Variants in ZFPM1 observed in about 807,000 individuals in gnomAD.
The protein encoded by ZFPM1 is zinc finger protein ZFPM1.
Under a neutral mutation model 46.3 loss-of-function variants are expected in ZFPM1, and 28 were observed. That is an observed-to-expected ratio of 0.60 (90% confidence interval 0.45 to 0.83). ZFPM1 has a LOEUF of 0.83. ZFPM1 is among the 40% of genes least tolerant of loss of function. ZFPM1 has a pLI of 0.00. For missense variants in ZFPM1, 1,878 were observed against 1,432.4 expected (o/e 1.31, Z -5.02); for synonymous variants, 957 against 675.9 (o/e 1.42, Z -6.45).
At chr16:88,456,465 G>A (rs1907566360) in intron 1 of ZFPM1, among the ~76,000 whole-genome samples, 1 of 152,182 alleles carries the variant, frequency 6.6e-6, no homozygotes, top group South Asian at 2.1e-4. Context: ...CCCTGGTGTG[G>A]AGGCGCTGCA....
At position 88,470,512 on chromosome 16, in the gene ZFPM1, C is replaced by T. The variant is rs1253711373; in HGVS notation, c.41-15427C>T. On this transcript the variant is annotated intron_variant, in intron 1 of 9. Transcript: ENST00000319555. ...AGGGCCGGGTGGTGACACTCAGTGA[C>T]AGGTGAGGATGTGGCACGGTGTGGA... 3.3e-5 allele frequency among the ~76,000 whole-genome samples: 5 copies of T among 151,638 alleles called. No individual in the cohort carries two copies. In the East Asian group the frequency reaches 7.8e-4, roughly 24 times the overall value.
chr16:88,475,901 G>A (rs1908661658), intron 1 of ZFPM1, among the ~76,000 whole-genome samples: 4 of 152,144 alleles, frequency 2.6e-5, no homozygotes, highest in Admixed American at 2.0e-4. Context: ...TTCGGCCAGA[G>A]GCTGGGCGTG....
chr16:88,518,040 C>G (rs150060696), intron 4 of ZFPM1, among the ~76,000 whole-genome samples: 2,853 of 152,030 alleles, frequency 0.019, 95 homozygotes, highest in African/African-American at 0.066. Flanking sequence ...GAAACCCCGT[C>G]TCTATTAAAA....
At chr16:88,473,237 C>T (rs960831628) in intron 1 of ZFPM1, among the ~76,000 whole-genome samples, 9 of 152,262 alleles carry the variant, frequency 5.9e-5, no homozygotes, top group African/African-American at 2.2e-4. Flanking sequence ...CTCCTGGCCC[C>T]CGGGAATCTC....
chr16:88,527,864 AG>A (rs1393651176), intron 5 of ZFPM1, among the ~76,000 whole-genome samples, 167 bp from the exon 6 acceptor site: 2 of 150,842 alleles, frequency 1.3e-5, no homozygotes, highest in Admixed American at 6.6e-5. Flanking sequence ...GAGCACTCAC[AG>A]GGGACCACCC....
intron 1 of ZFPM1, among the ~76,000 whole-genome samples, chr16:88,462,027 C>G (rs979409353): frequency 6.6e-6 from 1 of 152,254 alleles, no homozygotes. Context: ...GCCTCCCCAT[C>G]TCCTCCTCCC....
intron 3 of ZFPM1, chr16:88,489,370 T>C (rs961777220): frequency 5.9e-6 from 4 of 676,166 alleles, no homozygotes; most frequent in East Asian, 3.1e-5. Flanking sequence ...TCACGTGGTG[T>C]ACAAGGAAGC....
intron 2 of ZFPM1, 106 bp downstream of exon 2, chr16:88,486,149 A>G: frequency 8.5e-7 from 1 of 1,182,170 alleles, no homozygotes; most frequent in Admixed American, 2.1e-5. Flanking sequence ...TGGGCCAACT[A>G]TATGCAGGAG....
At chr16:88,458,400 C>T (rs193016869) in intron 1 of ZFPM1, among the ~76,000 whole-genome samples, 1 of 152,344 alleles carries the variant, frequency 6.6e-6, no homozygotes, top group East Asian at 1.9e-4. Context: ...CTGCCGTCAG[C>T]CCCGCCAGCC....
intron 4 of ZFPM1, among the ~76,000 whole-genome samples, chr16:88,524,564 AC>A (rs765179576): frequency 7.9e-5 from 12 of 152,212 alleles, no homozygotes; most frequent in Admixed American, 1.3e-4. Context: ...TGCCCTGTGG[AC>A]GGCACCCCAT....
At chr16:88,453,090 G>T (rs898277995), upstream of ZFPM1, among the ~76,000 whole-genome samples, 2 of 151,382 alleles carry the variant, frequency 1.3e-5, no homozygotes, top group Non-Finnish European at 3.0e-5. Flanking sequence ...GCGGGGGCGC[G>T]GTCGCGGCTC....
intron 3 of ZFPM1, among the ~76,000 whole-genome samples, chr16:88,496,898 C>T (rs909944840): frequency 1.6e-4 from 25 of 152,164 alleles, no homozygotes; most frequent in African/African-American, 6.0e-4. Flanking sequence ...GGGGGCTCAG[C>T]AAGGTGAGGT....
At chr16:88,530,875 G>C (rs1185105998) in intron 6 of ZFPM1, 4 of 152,356 alleles carry the variant, frequency 2.6e-5, no homozygotes, top group Non-Finnish European at 5.9e-5. Flanking sequence ...ACAGGAGGGA[G>C]ATGTGAGCCA....
chr16:88,461,024 AGGCCTGGT>A (rs1907822473), intron 1 of ZFPM1, among the ~76,000 whole-genome samples: 1 of 95,796 alleles, frequency 1.0e-5, no homozygotes, highest in African/African-American at 4.5e-5. Flanking sequence ...GTGGGGCGGG[AGGCCTGGT>A]GAGGACCGAG....
At position 88,534,442 on chromosome 16, in the gene ZFPM1, C is replaced by A; in HGVS notation, c.2484C>A (p.Ser828Arg). ...CGGCCTGCCGCGTGAGCTTCCACAG[C>A]CTCGAGGCCTACCTGGCGCACAAGA... is the stretch of plus-strand genomic sequence containing the variant. ...ECTACRVSFH[S>R]LEAYLAHKKY... Residue 828 changes from serine (S) to arginine (R), a missense_variant, in exon 10 of 10, where the codon AGC becomes AGA. Coordinates refer to ENST00000319555, the MANE Select transcript of ZFPM1 (RefSeq NM_153813.3). The A allele has an allele frequency of 1.3e-6, 2 of 1,497,970 alleles. No individual in the cohort carries two copies. The highest frequency in any genetic ancestry group is 1.8e-6 in the Non-Finnish European group (2 of 1,130,758). The allele number at this position is 1,497,970 out of a possible 1,614,324, so 92.8% of individuals were successfully genotyped here.
Position 88,533,950 on chromosome 16 carries a change from G to C in ZFPM1, c.1992G>C (p.Glu664Asp), listed in dbSNP as rs1339640765. Residue 664 changes from glutamate to aspartate, a missense_variant, in exon 10 of 10, where the codon GAG becomes GAC. Transcript: ENST00000319555. Reference protein sequence around the residue: ...PEDGAGGRGSEGSQSPGSSVD... With the variant: ...PEDGAGGRGSDGSQSPGSSVD... ...ACGGCGCGGGCGGCCGGGGCAGCGA[G>C]GGCAGCCAGAGCCCGGGTAGCTCCG... 7.8e-7 allele frequency: 1 copy of C among 1,286,496 alleles called. No homozygotes were observed. Among genetic ancestry groups the C allele is most frequent in the Non-Finnish European group, 1.0e-6 (1 of 996,902 alleles). The allele number at this position is 1,286,496 out of a possible 1,614,324, so 79.7% of individuals were successfully genotyped here. A position where few individuals can be genotyped will look rare whatever the true frequency, so the allele number is the denominator to read the frequency against.
chr16:88,526,201 C>A (rs918785934), intron 4 of ZFPM1, among the ~76,000 whole-genome samples: 4 of 152,202 alleles, frequency 2.6e-5, no homozygotes, highest in Admixed American at 2.6e-4. Context: ...CGGGAGCGAG[C>A]GGGAACGCAG....
At chr16:88,488,151 C>T (rs4782303) in intron 2 of ZFPM1, among the ~76,000 whole-genome samples, 8,358 of 152,310 alleles carry the variant, frequency 0.055, 506 homozygotes, top group East Asian at 0.26. Context: ...GCCTTAGTGC[C>T]GCACGCAGGT....
intron 1 of ZFPM1, among the ~76,000 whole-genome samples, chr16:88,472,167 G>C (rs931601141): frequency 6.6e-6 from 1 of 152,160 alleles, no homozygotes; most frequent in Non-Finnish European, 1.5e-5. Flanking sequence ...CCCAGCCTCA[G>C]TGTCCACACC....
Sources: allele counts gnomAD v4.1 joint callset (sites outside exome capture counted in the v4.1 genomes callset), GRCh38; gene constraint gnomAD v4.1.1; transcripts MANE v1.5; gene names NCBI Gene and HGNC (gene_info 2026-07-23, HGNC 2026-07-21).